MAP4K5: variants seen among roughly 807,000 people sequenced by gnomAD.
MAP4K5 encodes mitogen-activated protein kinase kinase kinase kinase 5, also known as MAPK/ERK kinase kinase kinase 5.
MAP4K5 carries 82 observed loss-of-function variants against 135.6 expected under a neutral mutation model. That is an observed-to-expected ratio of 0.60 (90% CI 0.51 to 0.73). The LOEUF (loss-of-function observed/expected upper bound fraction) is 0.73, where lower values mean the gene tolerates loss of function less well. Ranked by LOEUF, MAP4K5 falls within the 30% of genes least tolerant of loss-of-function variation. The probability of loss-of-function intolerance (pLI) is 0.00; values close to 1 mark genes in which losing one functional copy is unlikely to be tolerated. For missense variants in MAP4K5, 907 were observed against 1,010.9 expected, an observed-to-expected ratio of 0.90 and a Z score of 1.39; for synonymous variants, 347 against 335.0, an observed-to-expected ratio of 1.04 and a Z score of -0.39.
chr14:50,441,213 A>G (rs2036218859), intron 21 of MAP4K5, among the ~76,000 whole-genome samples: 1 of 152,198 alleles, frequency 6.6e-6, no homozygotes, highest in Non-Finnish European at 1.5e-5. Context: ...CTGAATGGCA[A>G]TAGTATAATT....
intron 2 of MAP4K5, among the ~76,000 whole-genome samples, chr14:50,529,705 C>T (rs191094893): frequency 5.9e-5 from 9 of 151,662 alleles, no homozygotes; most frequent in East Asian, 1.9e-4. Context: ...AAAAAAAGAT[C>T]GGGAGGATGT....
At chr14:50,491,145 A>G (rs1056368320) in intron 3 of MAP4K5, among the ~76,000 whole-genome samples, 3 of 152,072 alleles carry the variant, frequency 2.0e-5, no homozygotes, top group Non-Finnish European at 4.4e-5. Flanking sequence ...TTTTTTCAAA[A>G]AAAGGTACTA....
chr14:50,517,874 T>G (rs1339013819), intron 2 of MAP4K5, among the ~76,000 whole-genome samples: 3 of 152,248 alleles, frequency 2.0e-5, no homozygotes, highest in African/African-American at 7.2e-5. Context: ...TTCATTTTAC[T>G]TTTATTATAA....
At chr14:50,472,262 G>A (rs1296599307) in intron 9 of MAP4K5, 1 of 152,332 alleles carries the variant, frequency 6.6e-6, no homozygotes, top group Non-Finnish European at 1.5e-5. Flanking sequence ...TGTAAGACAT[G>A]CGATAAAGCC....
chr14:50,502,921 T>C (rs1452040901), intron 3 of MAP4K5, among the ~76,000 whole-genome samples: 1 of 151,968 alleles, frequency 6.6e-6, no homozygotes, highest in African/African-American at 2.4e-5. Context: ...TTGCTCCTGA[T>C]TGAGCAAATA....
chr14:50,547,446 G>A (rs749243206), intron 1 of MAP4K5, among the ~76,000 whole-genome samples: 1 of 152,098 alleles, frequency 6.6e-6, no homozygotes, highest in Non-Finnish European at 1.5e-5. Flanking sequence ...AAACAAGGAC[G>A]GAGTCTGAAA....
intron 15 of MAP4K5, among the ~76,000 whole-genome samples, chr14:50,448,543 C>T (rs1233290314): frequency 6.6e-6 from 1 of 150,568 alleles, no homozygotes; most frequent in East Asian, 1.9e-4. Context: ...TCATGTAAAA[C>T]CTTCAAAAGA....
intron 3 of MAP4K5, among the ~76,000 whole-genome samples, chr14:50,493,670 C>A (rs1447050829): frequency 6.6e-6 from 1 of 151,948 alleles, no homozygotes; most frequent in African/African-American, 2.4e-5. Context: ...AACAATCAGA[C>A]AAGGAAATTA....
intron 1 of MAP4K5, among the ~76,000 whole-genome samples, chr14:50,545,978 C>G (rs185276636): frequency 3.0e-4 from 45 of 152,270 alleles, no homozygotes; most frequent in African/African-American, 1.0e-3. Flanking sequence ...TCTTTTCTGC[C>G]TGCTTTGAAT....
intron 1 of MAP4K5, among the ~76,000 whole-genome samples, chr14:50,553,687 A>C (rs986504765): frequency 8.5e-5 from 13 of 152,212 alleles, no homozygotes; most frequent in Non-Finnish European, 1.2e-4. Flanking sequence ...AATTACAAAG[A>C]TATGGAACCA....
chr14:50,538,801 T>C (rs193185938), intron 2 of MAP4K5, among the ~76,000 whole-genome samples: 1 of 152,336 alleles, frequency 6.6e-6, no homozygotes, highest in African/African-American at 2.4e-5. Flanking sequence ...CTTAACCCTG[T>C]CATCTAATCA....
intron 1 of MAP4K5, chr14:50,559,966 T>C (rs948650215): frequency 8.4e-6 from 4 of 476,750 alleles, no homozygotes; most frequent in African/African-American, 7.8e-5. Context: ...TGTTTTCCGT[T>C]GAAAATGTTG....
intron 2 of MAP4K5, among the ~76,000 whole-genome samples, chr14:50,517,010 C>G (rs1417587169): frequency 6.6e-6 from 1 of 152,054 alleles, no homozygotes; most frequent in African/African-American, 2.4e-5. Flanking sequence ...AATTCTAGAC[C>G]CTTCCCACCA....
At chr14:50,427,524 CTAAG>C (rs775272268) in intron 30 of MAP4K5, among the ~76,000 whole-genome samples, 2 of 151,932 alleles carry the variant, frequency 1.3e-5, no homozygotes, top group Non-Finnish European at 2.9e-5. Context: ...AAATAAAAAA[CTAAG>C]TAATGAAAAT....
intron 2 of MAP4K5, among the ~76,000 whole-genome samples, chr14:50,526,208 T>C (rs949224845): frequency 1.3e-5 from 2 of 152,218 alleles, no homozygotes; most frequent in Non-Finnish European, 2.9e-5. Flanking sequence ...CTCCCTTCCT[T>C]CATCCCCAAT....
intron 2 of MAP4K5, among the ~76,000 whole-genome samples, chr14:50,507,211 G>A (rs2037829331): frequency 6.6e-6 from 1 of 152,160 alleles, no homozygotes. Flanking sequence ...AAAAGACTTA[G>A]TTTAGTAAAG....
intron 14 of MAP4K5, among the ~76,000 whole-genome samples, chr14:50,451,276 T>C (rs988181714): frequency 6.7e-6 from 1 of 149,650 alleles, no homozygotes; most frequent in Non-Finnish European, 1.5e-5. Context: ...AAAACTTACG[T>C]GTGGATACAT....
intron 11 of MAP4K5, among the ~76,000 whole-genome samples, chr14:50,466,381 C>CAA (rs1194669006): frequency 0.038 from 2,046 of 53,836 alleles, 49 homozygotes; most frequent in East Asian, 0.073. Context: ...AATCCTGTCT[C>CAA]AAAAAAAAAA....
At chr14:50,511,256 A>G (rs1426645691) in intron 2 of MAP4K5, among the ~76,000 whole-genome samples, 1 of 152,208 alleles carries the variant, frequency 6.6e-6, no homozygotes, top group Non-Finnish European at 1.5e-5. Flanking sequence ...CCATTTGAGG[A>G]AACTTGGATG....
Sources: allele counts gnomAD v4.1 joint callset (sites outside exome capture counted in the v4.1 genomes callset), GRCh38; gene constraint gnomAD v4.1.1; transcripts MANE v1.5; gene names NCBI Gene and HGNC (gene_info 2026-07-23, HGNC 2026-07-21).